The following ATP2B3 variants were observed in gnomAD, a reference collection of about 807,000 sequenced individuals.
ATP2B3 encodes the protein plasma membrane calcium-transporting ATPase 3.
In ATP2B3, 12 loss-of-function variants were observed where a neutral mutation model predicts 70.8. That is an observed-to-expected ratio of 0.17 (90% CI 0.11 to 0.27). The LOEUF (loss-of-function observed/expected upper bound fraction) is 0.27. ATP2B3 is among the 10% of genes least tolerant of loss of function. The pLI, the probability that ATP2B3 is intolerant of heterozygous loss-of-function variation, is 1.00. For synonymous variants in ATP2B3, 460 were observed against 497.8 expected, an observed-to-expected ratio of 0.92 and a Z score of 1.01; for missense variants, 858 against 1,118.5, an observed-to-expected ratio of 0.77 and a Z score of 3.32.
intron 12 of ATP2B3, 96 bp downstream of exon 12, chrX:153,550,382 C>A: frequency 2.6e-6 from 3 of 1,136,171 alleles, no homozygotes; most frequent in South Asian, 4.0e-5. Context: ...CCATTTCAAC[C>A]ACTTTACAGT....
chrX:153,561,807 C>T (rs900399750), intron 19 of ATP2B3, among the ~76,000 whole-genome samples: 1 of 112,771 alleles, frequency 8.9e-6, no homozygotes, highest in Non-Finnish European at 1.9e-5. Context: ...AAGGTGACCT[C>T]GGCAGGTTCT....
intron 7 of ATP2B3, among the ~76,000 whole-genome samples, 195 bp downstream of exon 7, chrX:153,543,363 G>A (rs782726461): frequency 4.4e-5 from 5 of 112,631 alleles, no homozygotes; most frequent in African/African-American, 6.4e-5. Context: ...GGCAGGCCAA[G>A]GGCCCCTCCA....
chrX:153,547,178 T>A lies in ATP2B3; in HGVS notation c.959-657T>A, dbSNP rs185560253. ...GCCGTGGAGTGGGTGCGGCCAGAGCTTGGCAGGGAGGGAGATGAGGAAGTG... is the reference window on the plus strand; with the variant it reads ...GCCGTGGAGTGGGTGCGGCCAGAGCATGGCAGGGAGGGAGATGAGGAAGTG... On this transcript the variant is annotated intron_variant, in intron 8 of 21. Transcript: ENST00000263519. Among the ~76,000 whole-genome samples the A allele has an allele frequency of 5.1e-3, 562 of 110,336 alleles. 1 individual carries two copies. Among genetic ancestry groups the A allele is most frequent in the Non-Finnish European group, 8.6e-3 (450 of 52,578 alleles).
At chrX:153,569,112 C>T (rs921930033) in intron 21 of ATP2B3, 3 of 304,038 alleles carry the variant, frequency 9.9e-6, no homozygotes, top group South Asian at 6.1e-5. Flanking sequence ...TTCGAGGGGG[C>T]GCCCCCTGCC....
chrX:153,570,000 C>T (rs1180261179), intron 21 of ATP2B3: 12 of 418,483 alleles, frequency 2.9e-5, no homozygotes, highest in East Asian at 2.4e-4. Flanking sequence ...TTTGGTTTTT[C>T]GGTTTGTGTT....
At chrX:153,557,966 T>G (rs1283602996) in intron 16 of ATP2B3, 146 bp from the exon 17 acceptor site, 23 of 419,701 alleles carry the variant, frequency 5.5e-5, no homozygotes, top group South Asian at 3.1e-4. Context: ...CAAAAAACAG[T>G]GCTGTTCTTG....
chrX:153,545,370 C>G (rs782638026), intron 7 of ATP2B3, among the ~76,000 whole-genome samples: 1 of 113,052 alleles, frequency 8.8e-6, no homozygotes, highest in East Asian at 2.8e-4. Context: ...TTCCTTTGTC[C>G]CTTTAAAACA....
intron 6 of ATP2B3, 92 bp from the exon 7 acceptor site, chrX:153,542,951 C>A (rs1189211318): frequency 5.5e-6 from 6 of 1,099,909 alleles, no homozygotes; most frequent in Admixed American, 2.6e-5. Flanking sequence ...TCCCTGCTTC[C>A]GGGAGACCCT....
intron 21 of ATP2B3, among the ~76,000 whole-genome samples, chrX:153,570,995 T>TGCGC (rs782295772): frequency 4.6e-5 from 3 of 64,643 alleles, no homozygotes; most frequent in Non-Finnish European, 6.0e-5. Flanking sequence ...ACAGAGCACG[T>TGCGC]GCGCGCGTAC....
intron 21 of ATP2B3, among the ~76,000 whole-genome samples, chrX:153,566,633 G>T (rs936117285): frequency 1.8e-5 from 2 of 110,141 alleles, no homozygotes; most frequent in South Asian, 8.1e-4. Context: ...GGGACTGGTG[G>T]AGCCTCTCTC....
intron 2 of ATP2B3, among the ~76,000 whole-genome samples, chrX:153,532,414 G>A (rs151259418): frequency 0.012 from 1,310 of 112,619 alleles, 19 homozygotes; most frequent in African/African-American, 0.04. Flanking sequence ...CTGGGTCTCT[G>A]GTCAGGTGGG....
At chrX:153,559,500 A>G in intron 17 of ATP2B3, 1 of 412,325 alleles carries the variant, frequency 2.4e-6, no homozygotes, top group Non-Finnish European at 4.2e-6. Context: ...CCTGCGAGGG[A>G]TTTGGAGCAC....
At chrX:153,522,691 C>T (rs891426416) in intron 2 of ATP2B3, among the ~76,000 whole-genome samples, 1 of 112,067 alleles carries the variant, frequency 8.9e-6, no homozygotes, top group Non-Finnish European at 1.9e-5. Flanking sequence ...CAAACACAGA[C>T]CAGGGAGGAG....
At chrX:153,557,064 G>T in intron 16 of ATP2B3, 41 bp downstream of exon 16, 1 of 1,101,238 alleles carries the variant, frequency 9.1e-7, no homozygotes. Context: ...ACGGCAGATG[G>T]GGCCTGCATC....
rs1338148459 is a variant in ATP2B3, at chrX:153,560,536, T to C, written c.2840-140T>C. The C allele has an allele frequency of 4.3e-6, 3 of 693,071 alleles. No homozygotes were observed. The African/African-American group carries it at 6.5e-5, about 15-fold the overall frequency. The allele number at this position is 693,071 out of a possible 1,213,427, so 57.1% of individuals were successfully genotyped here. A position where few individuals can be genotyped will look rare whatever the true frequency, so the allele number is the denominator to read the frequency against. On this transcript the variant is annotated intron_variant, in intron 18 of 21. Transcript: ENST00000263519. The stretch of plus-strand genomic sequence containing the variant: ...GAGCCTGGGGTGGGTGTGGCTGCCT[T>C]GGGCCTTGGCCGTGAGCTGGAAGTG...
intron 21 of ATP2B3, 80 bp downstream of exon 21, chrX:153,565,183 G>C: frequency 9.4e-7 from 1 of 1,069,355 alleles, no homozygotes; most frequent in South Asian, 2.2e-5. Flanking sequence ...GCCGAGAGCC[G>C]GCCGTCTGCA....
Position 153,546,847 on chromosome X carries a change from G to C in ATP2B3, c.958+718G>C, listed in dbSNP as rs1438586384. On this transcript the variant is annotated intron_variant, in intron 8 of 21. Transcript: ENST00000263519. Reference sequence around the variant, plus strand: ...CGGAGCTGGGTTTGGGAGGGCAGTGGGGGGACAGCCCGATGGCTGCAGCCC... The same window carrying C: ...CGGAGCTGGGTTTGGGAGGGCAGTGCGGGGACAGCCCGATGGCTGCAGCCC... Among the ~76,000 whole-genome samples the C allele has an allele frequency of 5.7e-4, 65 of 113,055 alleles. 1 individual carries two copies. The highest frequency in any genetic ancestry group is 5.6e-3 in the Admixed American group (61 of 10,797).
chrX:153,543,519 G>A (rs1266931734), intron 7 of ATP2B3, among the ~76,000 whole-genome samples: 1 of 112,797 alleles, frequency 8.9e-6, no homozygotes, highest in Admixed American at 9.3e-5. Flanking sequence ...GTAAGGTGCC[G>A]AGGATCCCAG....
chrX:153,537,875 C>T (rs1283530247), intron 3 of ATP2B3, among the ~76,000 whole-genome samples: 1 of 112,743 alleles, frequency 8.9e-6, no homozygotes, highest in Non-Finnish European at 1.9e-5. Context: ...CCCTGGGAAC[C>T]TGCCCGATTC....
Sources: gnomAD v4.1 joint callset for allele counts (sites outside exome capture counted in the v4.1 genomes callset) on GRCh38, gnomAD v4.1.1 for gene constraint, MANE v1.5 for transcripts, NCBI Gene and HGNC (gene_info 2026-07-23, HGNC 2026-07-21) for gene names.